FBXO2: variants seen among roughly 807,000 people sequenced by gnomAD.
FBXO2 encodes the protein F-box protein 2.
Under a neutral mutation model 38.6 loss-of-function variants are expected in FBXO2, and 32 were observed. The ratio of observed to expected loss-of-function variants is 0.83; its 90% CI spans 0.62 to 1.11. The LOEUF (loss-of-function observed/expected upper bound fraction) is 1.11, where lower values mean the gene tolerates loss of function less well. Ranked by LOEUF, FBXO2 falls within the 50% of genes most tolerant of loss-of-function variation. The pLI, the probability that FBXO2 is intolerant of heterozygous loss-of-function variation, is 0.00. For missense variants in FBXO2, 450 were observed against 418.3 expected, an observed-to-expected ratio of 1.08 and a Z score of -0.66; for synonymous variants, 189 against 182.9, an observed-to-expected ratio of 1.03 and a Z score of -0.27.
chr1:11,650,321 G>C, intron 2 of FBXO2, 145 bp downstream of exon 2: 4 of 1,419,328 alleles, frequency 2.8e-6, no homozygotes, highest in Non-Finnish European at 3.7e-6. Flanking sequence ...TGGCCAGAGA[G>C]CTACAGTAAT....
chr1:11,652,261 G>C (rs1422277511), intron 1 of FBXO2, among the ~76,000 whole-genome samples: 1 of 152,150 alleles, frequency 6.6e-6, no homozygotes, highest in Non-Finnish European at 1.5e-5. Context: ...AGAGCCTGGA[G>C]ACCCAGCTGT....
intron 1 of FBXO2, among the ~76,000 whole-genome samples, chr1:11,652,671 CA>C (rs1424169437): frequency 2.0e-5 from 3 of 152,218 alleles, no homozygotes; most frequent in South Asian, 4.1e-4. Context: ...AGGAAGACTA[CA>C]GCTCTCAGAC....
At chr1:11,654,281 C>A in intron 1 of FBXO2, 38 bp downstream of exon 1, 1 of 1,488,210 alleles carries the variant, frequency 6.7e-7, no homozygotes, top group Non-Finnish European at 8.9e-7. Flanking sequence ...ACCCCATCTC[C>A]CCTCCCCGCC....
chr1:11,653,848 G>A (rs2100591766), intron 1 of FBXO2, among the ~76,000 whole-genome samples: 1 of 152,318 alleles, frequency 6.6e-6, no homozygotes, highest in African/African-American at 2.4e-5. Flanking sequence ...ACCACCCCGG[G>A]GAGGGGCAGC....
intron 5 of FBXO2, 49 bp downstream of exon 5, chr1:11,649,038 C>G (rs1393954351): frequency 6.0e-6 from 9 of 1,505,722 alleles, no homozygotes; most frequent in Non-Finnish European, 8.1e-6. Flanking sequence ...TCGAGCCACG[C>G]CCCTCATGTC....
At position 11,648,660 on chromosome 1, in the gene FBXO2, C is replaced by T; in HGVS notation, c.*34G>A. The T allele has an allele frequency of 6.2e-7, 1 of 1,609,144 alleles. No homozygotes were observed. The highest frequency in any genetic ancestry group is 8.5e-7 in the Non-Finnish European group (1 of 1,176,780). The stretch of plus-strand genomic sequence containing the variant: ...CTATCTACCCTCGACCTTTGCCCCT[C>T]CAGGCAGCTGGGGGAGAGTGGAGGC... On this transcript the variant is annotated 3_prime_UTR_variant, in exon 6 of 6. Transcript: ENST00000354287. This position sits in a 1 kb window ranked among gnomAD's most constrained non-coding sequence, Gnocchi z 4.2.
rs1639452347 is a variant in FBXO2, at chr1:11,648,433, A to G, written c.*261T>C. ...ATTGAGAGCCCACTTTGTGGCAAGCACTGTGCTAGGTGCAGGGAATCAGCA... is the reference window on the plus strand; with the variant it reads ...ATTGAGAGCCCACTTTGTGGCAAGCGCTGTGCTAGGTGCAGGGAATCAGCA... On this transcript the variant is annotated 3_prime_UTR_variant, in exon 6 of 6. Coordinates refer to ENST00000354287, the MANE Select transcript of FBXO2 (RefSeq NM_012168.6). The surrounding 1 kb of genome is among the most constrained non-coding windows in gnomAD (Gnocchi z 4.2). The G allele has an allele frequency of 6.2e-6, 3 of 486,686 alleles. No individual in the cohort carries two copies. The Admixed American group carries it at 1.0e-4, about 16-fold the overall frequency. 30.1% of individuals were successfully genotyped at this position (486,686 alleles called of 1,614,324 possible). A position where few individuals can be genotyped will look rare whatever the true frequency, so the allele number is the denominator to read the frequency against.
intron 1 of FBXO2, 30 bp downstream of exon 1, chr1:11,654,289 G>C: frequency 6.7e-7 from 1 of 1,489,130 alleles, no homozygotes; most frequent in South Asian, 1.3e-5. Context: ...TCCCCTCCCC[G>C]CCGCAGCGAG....
Position 11,650,485 on chromosome 1 carries a change from C to T in FBXO2, c.372G>A (p.Leu124=). ...TCTCACCTTCCCCACACGGGTTACG[C>T]AGAAGGTTGCGGCGCCGCTTGCTCA... ...YFLSKRRRNL[L]RNPCGEEDLE... Residue 124 remains leucine (L), a synonymous_variant, in exon 2 of 6, where the codon CTG becomes CTA. Transcript: ENST00000354287. 6.2e-7 allele frequency: 1 copy of T among 1,609,436 alleles called. No individual in the cohort carries two copies.
chr1:11,651,692 T>C (rs187228073), intron 1 of FBXO2, among the ~76,000 whole-genome samples: 5 of 149,696 alleles, frequency 3.3e-5, no homozygotes, highest in African/African-American at 7.5e-5. Flanking sequence ...GTAGGCAGTG[T>C]TAGGATTTTG....
chr1:11,652,092 G>A (rs1021558645), intron 1 of FBXO2, among the ~76,000 whole-genome samples: 2 of 152,320 alleles, frequency 1.3e-5, no homozygotes, highest in East Asian at 1.9e-4. Context: ...GCCTCCTAAA[G>A]TTCTGGGATT....
rs141266599 is a variant in FBXO2, at chr1:11,648,799, C to T, written c.786G>A (p.Pro262=). 4,657 of 1,613,702 alleles carry T rather than the reference C, an allele frequency of 2.9e-3. 17 individuals carry two copies. The highest frequency in any genetic ancestry group is 6.6e-3 in the Middle Eastern group (40 of 6,060). ...GCTCGAAGCGGACGAAGCGGACGCC[C>T]GGCCCGTAGTCGGTGAAGGTGTGGG... The part of the protein sequence containing the change: ...EISHTFTDYG[P]GVRFVRFEHG... Residue 262 remains proline (P), a synonymous_variant, in exon 6 of 6, where the codon CCG becomes CCA. Coordinates refer to ENST00000354287, the MANE Select transcript of FBXO2 (RefSeq NM_012168.6). This position sits in a 1 kb window ranked among gnomAD's most constrained non-coding sequence, Gnocchi z 4.2.
intron 1 of FBXO2, among the ~76,000 whole-genome samples, chr1:11,653,211 C>T (rs1639565496): frequency 6.6e-6 from 1 of 152,166 alleles, no homozygotes; most frequent in Admixed American, 6.5e-5. Context: ...ACCTGATGCT[C>T]CCCGAAAGGT....
chr1:11,654,425 C>T lies in FBXO2; in HGVS notation c.-85G>A. On this transcript the variant is annotated 5_prime_UTR_variant, in exon 1 of 6. Coordinates refer to ENST00000354287, the MANE Select transcript of FBXO2 (RefSeq NM_012168.6). ...GGGCGGCGAGTCCCGGCGCTGTCCG[C>T]GTCTGTGTCGGTCCCGGCGACCGCG... 1.6e-6 allele frequency: 2 copies of T among 1,273,136 alleles called. No homozygotes were observed. Among genetic ancestry groups the T allele is most frequent in the Non-Finnish European group, 2.0e-6 (2 of 1,000,418 alleles). The allele number at this position is 1,273,136 out of a possible 1,614,324, so 78.9% of individuals were successfully genotyped here. A position where few individuals can be genotyped will look rare whatever the true frequency, so the allele number is the denominator to read the frequency against.
At position 11,648,754 on chromosome 1, in the gene FBXO2, G is replaced by A; in HGVS notation, c.831C>T (p.Val277=). 1 of 1,613,680 alleles carries A rather than the reference G, an allele frequency of 6.2e-7. No individual in the cohort carries two copies. Among genetic ancestry groups the A allele is most frequent in the Middle Eastern group, 1.6e-4 (1 of 6,062 alleles). ...GGGCCCCGAACCAGCCCTTCCAGTA[G>A]ACGGAGTCCTGCCCCCCGTGCTCGA... The part of the protein sequence containing the change: ...VRFEHGGQDS[V]YWKGWFGARV... The change falls in exon 6 of 6, where the codon GTC becomes GTT. Residue 277 remains valine, a synonymous_variant. Coordinates refer to ENST00000354287, the MANE Select transcript of FBXO2 (RefSeq NM_012168.6). The surrounding 1 kb of genome is among the most constrained non-coding windows in gnomAD (Gnocchi z 4.2).
Position 11,648,849 on chromosome 1 carries a change from A to T in FBXO2, c.757-21T>A. ...GAGATCTGGGGGTGGAGGTAACAAG[A>T]GTCAGCCTCGGAGGTCCTGAGGCCT... On this transcript the variant is annotated intron_variant, in intron 5 of 5. Transcript: ENST00000354287. This position sits in a 1 kb window ranked among gnomAD's most constrained non-coding sequence, Gnocchi z 4.2. 6.2e-7 allele frequency: 1 copy of T among 1,613,052 alleles called. No homozygotes were observed. The highest frequency in any genetic ancestry group is 8.5e-7 in the Non-Finnish European group (1 of 1,179,770).
Position 11,654,389 on chromosome 1 carries a change from C to CGCGAGTCCCGGGGCG in FBXO2, c.-64_-50dup, listed in dbSNP as rs1318292527. ...GGAGGAGCCGGAGCGCTGCGGGCTGCGCGAGTCCCGGGGCGGCGAGTCCCG... is the reference window on the plus strand; with the variant it reads ...GGAGGAGCCGGAGCGCTGCGGGCTGCGCGAGTCCCGGGGCGGCGAGTCCCGGGGCGGCGAGTCCCG... On this transcript the variant is annotated 5_prime_UTR_variant, in exon 1 of 6. Transcript: ENST00000354287. The CGCGAGTCCCGGGGCG allele has an allele frequency of 5.6e-5, 76 of 1,351,274 alleles. No individual in the cohort carries two copies. The highest frequency in any genetic ancestry group is 4.0e-5 in the Admixed American group (1 of 25,218). 83.7% of individuals were successfully genotyped at this position (1,351,274 alleles called of 1,614,324 possible).
rs1304046792 is a variant in FBXO2 at position 11,650,497 on chromosome 1, G to C, written c.360C>G (p.Arg120=). Residue 120 remains arginine (R), a synonymous_variant, in exon 2 of 6, where the codon CGC becomes CGG. Coordinates refer to ENST00000354287, the MANE Select transcript of FBXO2 (RefSeq NM_012168.6). ...WQQFYFLSKR[R]RNLLRNPCGE... is the part of the protein sequence containing the mutation. ...CACACGGGTTACGCAGAAGGTTGCG[G>C]CGCCGCTTGCTCAGGAAGTAGAACT... 1.9e-6 allele frequency: 3 copies of C among 1,608,540 alleles called. No homozygotes were observed. The highest frequency in any genetic ancestry group is 1.7e-6 in the Non-Finnish European group (2 of 1,178,330).
intron 1 of FBXO2, 133 bp downstream of exon 1, chr1:11,654,186 G>C (rs1168763681): frequency 9.9e-7 from 1 of 1,005,328 alleles, no homozygotes; most frequent in Non-Finnish European, 1.4e-6. Flanking sequence ...CCGCCTCTAG[G>C]GCTTCGCTGG....
Sources: allele counts gnomAD v4.1 joint callset (sites outside exome capture counted in the v4.1 genomes callset), GRCh38; gene constraint gnomAD v4.1.1; non-coding constraint Gnocchi (gnomAD v3.1); transcripts MANE v1.5; gene names NCBI Gene and HGNC (gene_info 2026-07-23, HGNC 2026-07-21).